TTLL2: variants seen among roughly 807,000 people sequenced by gnomAD.
TTLL2 encodes probable tubulin polyglutamylase TTLL2.
In TTLL2, 10 loss-of-function variants were observed where a neutral mutation model predicts 7.5. The ratio of observed to expected loss-of-function variants is 1.33; its 90% CI spans 0.82 to 2.25. TTLL2 has a LOEUF of 2.25. TTLL2 is among the 30% of genes most tolerant of loss of function. The pLI is 0.00. For synonymous variants in TTLL2, 284 were observed against 280.3 expected (o/e 1.01, Z -0.13); for missense variants, 733 against 735.7 (o/e 1.00, Z 0.04).
Position 167,340,419 on chromosome 6 carries a change from C to A in TTLL2, c.519C>A (p.Ser173=), listed in dbSNP as rs752076957. 3.1e-6 allele frequency: 5 copies of A among 1,614,048 alleles called. No individual in the cohort carries two copies. The East Asian group carries it at 8.9e-5, about 29-fold the overall frequency. Residue 173 remains serine, a synonymous_variant, in exon 3 of 3, where the codon TCC becomes TCA. Coordinates refer to ENST00000239587, the MANE Select transcript of TTLL2 (RefSeq NM_031949.5). ...LKHMRRMYGT[S]LYQFIPLTFV... ...ACATGAGGAGGATGTATGGCACTTC[C>A]CTGTACCAGTTCATCCCCCTGACGT... is the stretch of plus-strand genomic sequence containing the variant.
intron 1 of TTLL2, among the ~76,000 whole-genome samples, chr6:167,325,619 C>T (rs1778838742): frequency 6.6e-6 from 1 of 152,140 alleles, no homozygotes; most frequent in South Asian, 2.1e-4. Context: ...CCGCTGTGCT[C>T]TGGGAACTGT....
chr6:167,330,744 C>A (rs371699989), intron 1 of TTLL2, among the ~76,000 whole-genome samples: 2 of 152,156 alleles, frequency 1.3e-5, no homozygotes, highest in South Asian at 4.1e-4. Flanking sequence ...TAAAAGGACA[C>A]CCGTGGCCTC....
At chr6:167,328,313 C>A (rs1778873071) in intron 1 of TTLL2, 2 of 328,624 alleles carry the variant, frequency 6.1e-6, no homozygotes, top group Non-Finnish European at 1.2e-5. Context: ...GGGATTCCCG[C>A]AGTGATGGAA....
chr6:167,335,895 G>A (rs907967908), intron 1 of TTLL2, among the ~76,000 whole-genome samples: 29 of 148,196 alleles, frequency 2.0e-4, no homozygotes, highest in Admixed American at 4.7e-4. Context: ...TGGGTGCAGC[G>A]CACCAGCATG....
intron 1 of TTLL2, among the ~76,000 whole-genome samples, chr6:167,338,177 AAC>A (rs1250965911): frequency 6.6e-6 from 1 of 151,722 alleles, no homozygotes; most frequent in African/African-American, 2.4e-5. Context: ...CAGCACATAC[AAC>A]ACACAACTCG....
At chr6:167,331,140 T>C (rs1373773073) in intron 1 of TTLL2, among the ~76,000 whole-genome samples, 1 of 152,218 alleles carries the variant, frequency 6.6e-6, no homozygotes, top group Non-Finnish European at 1.5e-5. Context: ...TGAAAAATAT[T>C]AATTGTATAT....
At chr6:167,325,915 T>C (rs1778842019) in intron 1 of TTLL2, among the ~76,000 whole-genome samples, 1 of 152,130 alleles carries the variant, frequency 6.6e-6, no homozygotes. Context: ...TGTTGTCACA[T>C]GCGAGCGGGA....
intron 1 of TTLL2, among the ~76,000 whole-genome samples, chr6:167,327,373 G>C (rs192233333): frequency 1.3e-5 from 2 of 152,256 alleles, no homozygotes; most frequent in East Asian, 3.9e-4. Flanking sequence ...AGCCCACCAG[G>C]AATTTCCTTG....
Position 167,340,691 on chromosome 6 carries a change from G to T in TTLL2, c.791G>T (p.Gly264Val). The change falls in exon 3 of 3, where the codon GGC becomes GTC. Residue 264 changes from glycine to valine, a missense_variant. Coordinates refer to ENST00000239587, the MANE Select transcript of TTLL2 (RefSeq NM_031949.5). ...CTCCGCATCTATGTTTGTGTTACTG[G>T]CTTTAAGCCTTTGACCATTTATGTT... ...CDLRIYVCVT[G>V]FKPLTIYVYQ... is the part of the protein sequence containing the mutation. The T allele has an allele frequency of 6.2e-7, 1 of 1,614,152 alleles. No individual in the cohort carries two copies. Among genetic ancestry groups the T allele is most frequent in the Non-Finnish European group, 8.5e-7 (1 of 1,180,034 alleles).
Position 167,340,691 on chromosome 6 carries a change from G to A in TTLL2, c.791G>A (p.Gly264Asp), listed in dbSNP as rs2115226568. 1 of 1,614,152 alleles carries A rather than the reference G, an allele frequency of 6.2e-7. No homozygotes were observed. Among genetic ancestry groups the A allele is most frequent in the Non-Finnish European group, 8.5e-7 (1 of 1,180,034 alleles). ...CTCCGCATCTATGTTTGTGTTACTG[G>A]CTTTAAGCCTTTGACCATTTATGTT... ...CDLRIYVCVT[G>D]FKPLTIYVYQ... Residue 264 changes from glycine to aspartate, a missense_variant, in exon 3 of 3, where the codon GGC (glycine) becomes GAC (aspartate). Transcript: ENST00000239587.
intron 2 of TTLL2, 123 bp downstream of exon 2, chr6:167,338,926 C>CTTTTT: frequency 9.8e-7 from 1 of 1,024,810 alleles, no homozygotes; most frequent in Non-Finnish European, 1.3e-6. Context: ...TTTCCTCCTT[C>CTTTTT]TCTCCTTCCT....
At chr6:167,330,850 C>T (rs1778910874) in intron 1 of TTLL2, among the ~76,000 whole-genome samples, 1 of 152,142 alleles carries the variant, frequency 6.6e-6, no homozygotes, top group Non-Finnish European at 1.5e-5. Flanking sequence ...GGGGTGGAGG[C>T]TCAGCCAGAG....
chr6:167,325,909 G>A (rs890214171), intron 1 of TTLL2, among the ~76,000 whole-genome samples: 1 of 152,176 alleles, frequency 6.6e-6, no homozygotes, highest in Non-Finnish European at 1.5e-5. Flanking sequence ...GGCTCCTGTT[G>A]TCACATGCGA....
At chr6:167,325,370 C>G (rs1452658951) in intron 1 of TTLL2, 150 bp downstream of exon 1, 2 of 690,380 alleles carry the variant, frequency 2.9e-6, no homozygotes, top group Non-Finnish European at 4.7e-6. Flanking sequence ...TGTAGTCAGC[C>G]CTTCATACTC....
At chr6:167,338,499 C>T in intron 1 of TTLL2, 148 bp from the exon 2 acceptor site, 2 of 926,482 alleles carry the variant, frequency 2.2e-6, no homozygotes, top group Non-Finnish European at 2.9e-6. Context: ...TTATTGATAG[C>T]ATGGAACAAT....
At chr6:167,336,304 C>T (rs1778983060) in intron 1 of TTLL2, among the ~76,000 whole-genome samples, 1 of 151,926 alleles carries the variant, frequency 6.6e-6, no homozygotes, top group Non-Finnish European at 1.5e-5. Context: ...TCCTCGCCAG[C>T]CAGCCTCCTT....
chr6:167,338,425 CA>C (rs1779021752), intron 1 of TTLL2, among the ~76,000 whole-genome samples: 2 of 145,246 alleles, frequency 1.4e-5, no homozygotes, highest in African/African-American at 5.6e-5. Context: ...AACACAGAAA[CA>C]ACAAACACAC....
intron 2 of TTLL2, among the ~76,000 whole-genome samples, chr6:167,339,351 T>A (rs1455887933): frequency 6.6e-6 from 1 of 152,224 alleles, no homozygotes; most frequent in Non-Finnish European, 1.5e-5. Flanking sequence ...CACTTCATCA[T>A]CAGTTATGAT....
At chr6:167,337,123 G>T (rs556937117) in intron 1 of TTLL2, among the ~76,000 whole-genome samples, 99 of 152,320 alleles carry the variant, frequency 6.5e-4, no homozygotes, top group African/African-American at 1.9e-3. Flanking sequence ...CAAACCAACC[G>T]CTGGCTGTGG....
Sources: gnomAD v4.1 joint callset for allele counts (sites outside exome capture counted in the v4.1 genomes callset) on GRCh38, gnomAD v4.1.1 for gene constraint, MANE v1.5 for transcripts, NCBI Gene and HGNC (gene_info 2026-07-23, HGNC 2026-07-21) for gene names.